The following KRT40 variants were observed in gnomAD, a reference collection of about 807,000 sequenced individuals.
KRT40 encodes keratin, type I cytoskeletal 40.
A neutral mutation model predicts 43.5 loss-of-function variants in KRT40; 47 were observed. That is an observed-to-expected ratio of 1.08 (90% CI 0.86 to 1.38). The LOEUF (loss-of-function observed/expected upper bound fraction) is 1.38. Among genes scored for constraint, KRT40 ranks in the 40% most tolerant of loss-of-function variants. KRT40 has a pLI of 0.00. For missense variants in KRT40, 573 were observed against 523.6 expected, an observed-to-expected ratio of 1.09 and a Z score of -0.92; for synonymous variants, 212 against 214.0, an observed-to-expected ratio of 0.99 and a Z score of 0.08.
chr17:40,980,273 T>C (rs1912066554), intron 5 of KRT40, among the ~76,000 whole-genome samples: 2 of 152,196 alleles, frequency 1.3e-5, no homozygotes, highest in Admixed American at 6.5e-5. Context: ...CTAGGTGTTC[T>C]CCGCAGGGCC....
At chr17:40,979,964 G>A (rs1396320551) in intron 5 of KRT40, among the ~76,000 whole-genome samples, 1 of 152,054 alleles carries the variant, frequency 6.6e-6, no homozygotes, top group Non-Finnish European at 1.5e-5. Flanking sequence ...ATCCTGACTT[G>A]ATCATTACAC....
At chr17:40,978,370 C>A (rs1911909212) in intron 6 of KRT40, 74 bp from the exon 7 acceptor site, 9 of 1,185,966 alleles carry the variant, frequency 7.6e-6, no homozygotes, top group Non-Finnish European at 1.0e-5. Context: ...AAAACCGTGT[C>A]AAAATTTGCC....
chr17:40,978,769 C>A (rs780165481), intron 6 of KRT40, 35 bp downstream of exon 6: 15 of 1,569,722 alleles, frequency 9.6e-6, no homozygotes. Flanking sequence ...CTCTTTGTGA[C>A]TCTGGGGGAT....
chr17:40,987,134 G>A (rs1555567925), upstream of KRT40: 1 of 152,258 alleles, frequency 6.6e-6, no homozygotes, highest in Non-Finnish European at 1.5e-5. Context: ...CTCTGCTATA[G>A]CAGTTGTCTT....
Position 40,984,314 on chromosome 17 carries a change from G to A in KRT40, c.-41C>T, listed in dbSNP as rs745739543. On this transcript the variant is annotated 5_prime_UTR_variant, in exon 1 of 7. Transcript: ENST00000377755. The stretch of plus-strand genomic sequence containing the variant: ...GACAGAGACTGGCTGCAAAACTTCA[G>A]TTGCCTTGACTCCAAAACTCTCCTC... The A allele has an allele frequency of 3.3e-6, 5 of 1,500,840 alleles. No homozygotes were observed. The African/African-American group carries it at 6.9e-5, about 21-fold the overall frequency. The allele number at this position is 1,500,840 out of a possible 1,614,324, so 93.0% of individuals were successfully genotyped here.
chr17:40,984,221 G>A lies in KRT40; in HGVS notation c.53C>T (p.Ala18Val), dbSNP rs1434647931. Residue 18 changes from alanine (A) to valine (V), a missense_variant, in exon 1 of 7, where the codon GCT (alanine) becomes GTT (valine). Transcript: ENST00000377755. Reference protein sequence around the residue: ...THCSPESCGTASGCAPASSCS... With the variant: ...THCSPESCGTVSGCAPASSCS... Reference sequence around the variant, plus strand: ...GCTTGAGGCAGGTGCACAACCGGAAGCCGTGCCACAGGACTCAGGAGAGCA... The same window carrying A: ...GCTTGAGGCAGGTGCACAACCGGAAACCGTGCCACAGGACTCAGGAGAGCA... 6.2e-7 allele frequency: 1 copy of A among 1,613,942 alleles called. No homozygotes were observed. The highest frequency in any genetic ancestry group is 8.5e-7 in the Non-Finnish European group (1 of 1,179,974).
At position 40,983,017 on chromosome 17, in the gene KRT40, TAAATAAAATA is replaced by T; in HGVS notation, c.530+19_530+28del. 1 of 935,544 alleles carries T rather than the reference TAAATAAAATA, an allele frequency of 1.1e-6. No homozygotes were observed. The highest frequency in any genetic ancestry group is 1.7e-6 in the Non-Finnish European group (1 of 586,776). 58.0% of individuals were successfully genotyped at this position (935,544 alleles called of 1,614,324 possible). ...GAGTGAAACTCCATCTCAAAATAAA[TAAATAAAATA>T]AAATTAAATTAAACTTACTTTGACT... is the stretch of plus-strand genomic sequence containing the variant. On this transcript the variant is annotated intron_variant, in intron 2 of 6. Coordinates refer to ENST00000377755, the MANE Select transcript of KRT40 (RefSeq NM_001389244.1).
upstream of KRT40, chr17:40,987,046 C>T (rs1041279253): frequency 6.6e-6 from 1 of 152,250 alleles, no homozygotes; most frequent in African/African-American, 2.4e-5. Flanking sequence ...GATGAACTCA[C>T]ATGTCAAGAC....
At chr17:40,984,451 T>C, upstream of KRT40, 1 of 594,734 alleles carries the variant, frequency 1.7e-6, no homozygotes, top group South Asian at 2.2e-5. Context: ...AGTTGTTTAT[T>C]TACTGAGGAA....
upstream of KRT40, among the ~76,000 whole-genome samples, chr17:40,986,732 TA>T (rs5820387): frequency 4.5e-4 from 66 of 146,742 alleles, no homozygotes; most frequent in Admixed American, 1.2e-3. Context: ...AAGGCCATGA[TA>T]AAAAAAAAAA....
At position 40,981,125 on chromosome 17, in the gene KRT40, AAGC is replaced by A; in HGVS notation, c.711_713del (p.Gln237_Leu238delinsHis). 6.2e-7 allele frequency: 1 copy of A among 1,614,126 alleles called. No individual in the cohort carries two copies. Among genetic ancestry groups the A allele is most frequent in the Non-Finnish European group, 8.5e-7 (1 of 1,180,004 alleles). ...CCAGCTCCACACTGAGGCGGTCGCC[AAGC>A]TGTTCACGAAGCAAGTTGACTTCCT... On this transcript the variant is annotated inframe_deletion, in exon 4 of 7. Coordinates refer to ENST00000377755, the MANE Select transcript of KRT40 (RefSeq NM_001389244.1).
In KRT40 at chr17:40,980,976, A is replaced by G. The variant is rs533594583; in HGVS notation, c.849+14T>C. The G allele has an allele frequency of 1.9e-6, 3 of 1,613,674 alleles. No individual in the cohort carries two copies. Among genetic ancestry groups the G allele is most frequent in the Admixed American group, 3.3e-5 (2 of 59,794 alleles). ...AGTCTGTAAGCCTGACATTTTTTCA[A>G]TCTGGGTACTGACCTGAACAGCCAA... On this transcript the variant is annotated intron_variant, in intron 4 of 6. Transcript: ENST00000377755.
upstream of KRT40, chr17:40,984,347 A>G: frequency 1.7e-6 from 2 of 1,182,596 alleles, no homozygotes; most frequent in Non-Finnish European, 2.4e-6. Flanking sequence ...CTCTCCTGAG[A>G]GTTTTATAAC....
rs757515786 is a variant in KRT40, at chr17:40,981,047, C to G, written c.792G>C (p.Gln264His). 2 of 1,614,276 alleles carry G rather than the reference C, an allele frequency of 1.2e-6. No homozygotes were observed. The highest frequency in any genetic ancestry group is 1.7e-6 in the Non-Finnish European group (2 of 1,180,052). ...GATTGTTGGCAAGCACCGTTTCACACTGACAGCGCATCTCATCCAGGACCC... is the reference window on the plus strand; with the variant it reads ...GATTGTTGGCAAGCACCGTTTCACAGTGACAGCGCATCTCATCCAGGACCC... Reference protein sequence around the residue: ...LNRVLDEMRCQCETVLANNRR... With the variant: ...LNRVLDEMRCHCETVLANNRR... Residue 264 changes from glutamine (Q) to histidine (H), a missense_variant, in exon 4 of 7, where the codon CAG becomes CAC. Coordinates refer to ENST00000377755, the MANE Select transcript of KRT40 (RefSeq NM_001389244.1).
chr17:40,986,187 G>A (rs1453417073), upstream of KRT40: 1 of 152,376 alleles, frequency 6.6e-6, no homozygotes, highest in Admixed American at 6.5e-5. Context: ...AGTGGGTGCA[G>A]CGCACCAGTA....
In KRT40 at chr17:40,979,331, C is replaced by T. The variant is rs546596824; in HGVS notation, c.976-307G>A. 1.4e-4 allele frequency among the ~76,000 whole-genome samples: 21 copies of T among 152,058 alleles called. No homozygotes were observed. The South Asian group carries it at 3.3e-3, about 24-fold the overall frequency. On this transcript the variant is annotated intron_variant, in intron 5 of 6. Transcript: ENST00000377755. The stretch of plus-strand genomic sequence containing the variant: ...AAGATCGAGACCATCCTGGCTAACA[C>T]GGTGAAACCCCGTCTCTACTAAAAA...
intron 6 of KRT40, 54 bp from the exon 7 acceptor site, chr17:40,978,350 G>A: frequency 4.3e-6 from 6 of 1,404,240 alleles, no homozygotes; most frequent in Non-Finnish European, 5.1e-6. Context: ...TGATAAAATG[G>A]CAACTCAGAA....
Position 40,981,413 on chromosome 17 carries a change from A to T in KRT40, c.688-262T>A, listed in dbSNP as rs936155291. 16 of 671,426 alleles carry T rather than the reference A, an allele frequency of 2.4e-5. No homozygotes were observed. The South Asian group carries it at 2.6e-4, about 11-fold the overall frequency. 41.6% of individuals were successfully genotyped at this position (671,426 alleles called of 1,614,324 possible). ...AATCTACACATAATTAACTTATAAA[A>T]GTTAATTATGACACATAGTAAGGTG... On this transcript the variant is annotated intron_variant, in intron 3 of 6. Transcript: ENST00000377755.
rs1352655260 is a variant in KRT40 at position 40,982,340 on chromosome 17, T to A, written c.654A>T (p.Glu218Asp). The change falls in exon 3 of 7, where the codon GAA becomes GAT. Residue 218 changes from glutamate to aspartate, a missense_variant. Physicochemically the swap from Glu to Asp is conservative, Grantham distance 45 (BLOSUM62 2). Coordinates refer to ENST00000377755, the MANE Select transcript of KRT40 (RefSeq NM_001389244.1). ...DLEAHVESLK[E>D]DLLCLKKNHE... Reference sequence around the variant, plus strand: ...GGTTTTTCTTAAGGCAAAGGAGATCTTCCTTCAGAGACTCCACATGGGCCT... The same window carrying A: ...GGTTTTTCTTAAGGCAAAGGAGATCATCCTTCAGAGACTCCACATGGGCCT... 3.9e-5 allele frequency: 62 copies of A among 1,598,182 alleles called. No homozygotes were observed. The highest frequency in any genetic ancestry group is 4.7e-5 in the Non-Finnish European group (55 of 1,173,822).
Sources: allele counts gnomAD v4.1 joint callset (sites outside exome capture counted in the v4.1 genomes callset), GRCh38; gene constraint gnomAD v4.1.1; transcripts MANE v1.5; gene names NCBI Gene and HGNC (gene_info 2026-07-23, HGNC 2026-07-21).